PTPRD: variants seen among roughly 807,000 people sequenced by gnomAD.
PTPRD encodes the protein receptor-type tyrosine-protein phosphatase delta.
PTPRD carries 34 observed loss-of-function variants against 214.5 expected under a neutral mutation model. That is an observed-to-expected ratio of 0.16 (90% confidence interval 0.12 to 0.21). PTPRD has a LOEUF of 0.21. PTPRD is among the 10% of genes least tolerant of loss of function. PTPRD has a pLI of 1.00. For synonymous variants in PTPRD, 1,128 were observed against 845.7 expected, an observed-to-expected ratio of 1.33 and a Z score of -5.79; for missense variants, 2,545 against 2,398.7, an observed-to-expected ratio of 1.06 and a Z score of -1.27.
chr9:8,351,833 C>G (rs1328033099), intron 39 of PTPRD, among the ~76,000 whole-genome samples: 1 of 147,324 alleles, frequency 6.8e-6, no homozygotes, highest in Non-Finnish European at 1.5e-5. Context: ...ATGTAGTACA[C>G]TTGAGTGGTG....
chr9:8,649,511 A>G (rs1596056965), intron 12 of PTPRD, among the ~76,000 whole-genome samples: 1 of 152,266 alleles, frequency 6.6e-6, no homozygotes, highest in African/African-American at 2.4e-5. Flanking sequence ...CACAGAAGGG[A>G]GACGTGTGTG....
intron 5 of PTPRD, among the ~76,000 whole-genome samples, chr9:9,920,171 C>T (rs537103900): frequency 2.6e-5 from 4 of 152,204 alleles, no homozygotes; most frequent in Admixed American, 1.3e-4. Context: ...CAGGCACTTG[C>T]TCTTTGATGA....
At chr9:9,469,217 T>C (rs1000453291) in intron 8 of PTPRD, among the ~76,000 whole-genome samples, 7 of 152,102 alleles carry the variant, frequency 4.6e-5, no homozygotes, top group South Asian at 2.1e-4. Flanking sequence ...ATAAATATTA[T>C]ATATTATTAA....
chr9:9,765,226 T>C (rs2098696804), intron 6 of PTPRD, among the ~76,000 whole-genome samples: 1 of 152,186 alleles, frequency 6.6e-6, no homozygotes, highest in African/African-American at 2.4e-5. Flanking sequence ...ATTATTAACA[T>C]ACGCATTTAT....
intron 44 of PTPRD, among the ~76,000 whole-genome samples, chr9:8,328,606 TGATATCC>T (rs1836448789): frequency 4.1e-5 from 2 of 49,086 alleles, no homozygotes; most frequent in Non-Finnish European, 6.3e-5. Flanking sequence ...GATAATATCC[TGATATCC>T]TGAAGAGTTT....
intron 39 of PTPRD, among the ~76,000 whole-genome samples, chr9:8,370,694 G>T (rs1272711580): frequency 6.6e-6 from 1 of 152,024 alleles, no homozygotes; most frequent in Non-Finnish European, 1.5e-5. Flanking sequence ...TTCTGACCAG[G>T]TCACCAGGGA....
At chr9:10,551,195 C>T (rs1408502135) in intron 2 of PTPRD, among the ~76,000 whole-genome samples, 1 of 151,958 alleles carries the variant, frequency 6.6e-6, no homozygotes, top group African/African-American at 2.4e-5. Context: ...AAAAAGTAGC[C>T]ATGTATCATG....
At chr9:9,723,059 T>A (rs2097993980) in intron 7 of PTPRD, among the ~76,000 whole-genome samples, 1 of 152,122 alleles carries the variant, frequency 6.6e-6, no homozygotes, top group South Asian at 2.1e-4. Flanking sequence ...TCAATTTATC[T>A]ATTTTTCTTT....
At chr9:10,051,082 A>C (rs936219043) in intron 3 of PTPRD, among the ~76,000 whole-genome samples, 1 of 152,168 alleles carries the variant, frequency 6.6e-6, no homozygotes, top group African/African-American at 2.4e-5. Context: ...CCACATAAAA[A>C]AGAAAAAAAT....
At chr9:9,704,250 C>CT (rs1217739483) in intron 7 of PTPRD, among the ~76,000 whole-genome samples, 2 of 151,856 alleles carry the variant, frequency 1.3e-5, no homozygotes, top group Non-Finnish European at 2.9e-5. Flanking sequence ...TCGCATTCTT[C>CT]TTTTTTCTTT....
chr9:9,285,969 G>T (rs1395808716), intron 9 of PTPRD, among the ~76,000 whole-genome samples: 1 of 151,708 alleles, frequency 6.6e-6, no homozygotes, highest in Non-Finnish European at 1.5e-5. Flanking sequence ...AGGCATTTCA[G>T]ACTCAACATG....
intron 9 of PTPRD, among the ~76,000 whole-genome samples, chr9:9,300,498 C>T (rs549772695): frequency 5.3e-5 from 8 of 151,788 alleles, no homozygotes; most frequent in Admixed American, 2.6e-4. Context: ...TGTTTGTGTT[C>T]CCCCCAAATT....
At chr9:9,107,086 C>A (rs2154446206) in intron 10 of PTPRD, among the ~76,000 whole-genome samples, 1 of 152,174 alleles carries the variant, frequency 6.6e-6, no homozygotes, top group East Asian at 1.9e-4. Flanking sequence ...ATTAGCATAA[C>A]AGATATATTA....
At chr9:8,460,200 C>T in intron 33 of PTPRD, 1 of 626,638 alleles carries the variant, frequency 1.6e-6, no homozygotes, top group South Asian at 1.8e-5. Context: ...TGTTGGACAA[C>T]AGAAGTCTAT....
At chr9:10,081,009 T>C (rs561048359) in intron 3 of PTPRD, among the ~76,000 whole-genome samples, 7 of 152,120 alleles carry the variant, frequency 4.6e-5, no homozygotes, top group Non-Finnish European at 1.0e-4. Flanking sequence ...TTGAGTAAAT[T>C]ATAATATTTC....
At chr9:10,056,258 T>C (rs985060950) in intron 3 of PTPRD, among the ~76,000 whole-genome samples, 2 of 151,684 alleles carry the variant, frequency 1.3e-5, no homozygotes, top group Admixed American at 1.3e-4. Context: ...GAGGCGGAGA[T>C]TGCAGTGAGC....
intron 11 of PTPRD, among the ~76,000 whole-genome samples, chr9:8,792,889 A>G (rs971294903): frequency 1.3e-5 from 2 of 152,066 alleles, no homozygotes; most frequent in Non-Finnish European, 2.9e-5. Context: ...TTCCTTAATC[A>G]ACCCCCACAG....
chr9:8,498,667 TG>T (rs928304535), intron 25 of PTPRD, among the ~76,000 whole-genome samples: 2 of 152,212 alleles, frequency 1.3e-5, no homozygotes, highest in African/African-American at 4.8e-5. Flanking sequence ...TCCTTTTCCC[TG>T]CCAAGTCACC....
At chr9:9,477,449 T>C (rs1027273103) in intron 8 of PTPRD, among the ~76,000 whole-genome samples, 1 of 152,160 alleles carries the variant, frequency 6.6e-6, no homozygotes, top group African/African-American at 2.4e-5. Context: ...AAATCAAAAC[T>C]ATCTGAGGCA....
Sources: gnomAD v4.1 joint callset for allele counts (sites outside exome capture counted in the v4.1 genomes callset) on GRCh38, gnomAD v4.1.1 for gene constraint, MANE v1.5 for transcripts, NCBI Gene and HGNC (gene_info 2026-07-23, HGNC 2026-07-21) for gene names.